Variants in CFAP61 observed in about 807,000 individuals in gnomAD.
CFAP61 encodes the protein cilia and flagella associated protein 61.
CFAP61 carries 107 observed loss-of-function variants against 135.6 expected under a neutral mutation model. The observed-to-expected ratio is 0.79, with a 90% CI of 0.67 to 0.93. CFAP61 has a LOEUF of 0.93. Among genes scored for constraint, CFAP61 ranks in the 40% least tolerant of loss-of-function variants. CFAP61 has a pLI of 0.00. For missense variants in CFAP61, 1,507 were observed against 1,556.2 expected (o/e 0.97, Z 0.53); for synonymous variants, 575 against 578.5 (o/e 0.99, Z 0.09).
chr20:20,068,759 C>A (rs1271082186), intron 2 of CFAP61, among the ~76,000 whole-genome samples: 2 of 152,056 alleles, frequency 1.3e-5, no homozygotes, highest in African/African-American at 4.8e-5. Context: ...CTTTTTATTT[C>A]TTTTGAGACG....
chr20:20,344,368 T>G (rs1458736454), intron 26 of CFAP61, among the ~76,000 whole-genome samples: 1 of 152,110 alleles, frequency 6.6e-6, no homozygotes, highest in Non-Finnish European at 1.5e-5. Flanking sequence ...CAATCAGATA[T>G]ACAGGAATTT....
At chr20:20,096,417 T>G (rs1460064500) in intron 7 of CFAP61, among the ~76,000 whole-genome samples, 3 of 152,254 alleles carry the variant, frequency 2.0e-5, no homozygotes, top group African/African-American at 7.2e-5. Flanking sequence ...CATGTTTTTC[T>G]CATTTTCATC....
At chr20:20,220,508 G>C (rs1264034598) in intron 17 of CFAP61, among the ~76,000 whole-genome samples, 1 of 149,464 alleles carries the variant, frequency 6.7e-6, no homozygotes, top group East Asian at 1.9e-4. Context: ...ATGGACTTGC[G>C]ATTGGCATGT....
chr20:20,294,833 C>T (rs968893217), intron 24 of CFAP61, among the ~76,000 whole-genome samples: 6 of 151,062 alleles, frequency 4.0e-5, no homozygotes, highest in Non-Finnish European at 8.9e-5. Context: ...GAGGCTGAGG[C>T]AGGAGAATGG....
chr20:20,251,003 A>G (rs1318329944), intron 19 of CFAP61, among the ~76,000 whole-genome samples: 1 of 152,252 alleles, frequency 6.6e-6, no homozygotes, highest in East Asian at 1.9e-4. Flanking sequence ...CAAAGTCTCC[A>G]GGGAGTGTAC....
chr20:20,069,009 C>T (rs2045516622), intron 2 of CFAP61, among the ~76,000 whole-genome samples: 1 of 152,230 alleles, frequency 6.6e-6, no homozygotes, highest in Non-Finnish European at 1.5e-5. Context: ...TTCCAAAGTG[C>T]TGGGATTACA....
chr20:20,290,339 C>A lies in CFAP61; in HGVS notation c.3164C>A (p.Ala1055Asp), dbSNP rs377695788. Residue 1055 changes from alanine to aspartate, a missense_variant, in exon 24 of 27, where the codon GCC becomes GAC. Coordinates refer to ENST00000245957, the MANE Select transcript of CFAP61 (RefSeq NM_015585.4). ...LPGSYHYLHI[A>D]KPAIPTPLEV... ...GGGTCTTACCATTATCTGCATATTG[C>A]CAAGCCTGCCATTCCAACTCCCTTG... is the stretch of plus-strand genomic sequence containing the variant. 2 of 1,613,470 alleles carry A rather than the reference C, an allele frequency of 1.2e-6. No homozygotes were observed. The highest frequency in any genetic ancestry group is 2.7e-5 in the African/African-American group (2 of 75,052).
At chr20:20,095,401 A>G (rs2047495559) in intron 7 of CFAP61, among the ~76,000 whole-genome samples, 1 of 152,244 alleles carries the variant, frequency 6.6e-6, no homozygotes, top group Non-Finnish European at 1.5e-5. Flanking sequence ...TGTCTTTCTG[A>G]ACAGCCATGG....
At chr20:20,334,210 T>A (rs902316986) in intron 25 of CFAP61, among the ~76,000 whole-genome samples, 10 of 152,166 alleles carry the variant, frequency 6.6e-5, no homozygotes, top group African/African-American at 2.4e-4. Flanking sequence ...CACTGCAACC[T>A]CTGCCTCCCG....
At chr20:20,268,175 ACTTTAG>A (rs1366130272) in intron 21 of CFAP61, among the ~76,000 whole-genome samples, 2 of 152,174 alleles carry the variant, frequency 1.3e-5, no homozygotes, top group African/African-American at 4.8e-5. Context: ...TTTTTTAAAT[ACTTTAG>A]CATGTGAGTT....
At chr20:20,137,028 T>C (rs116310858) in intron 8 of CFAP61, among the ~76,000 whole-genome samples, 1,597 of 152,312 alleles carry the variant, frequency 0.01, 20 homozygotes, top group African/African-American at 0.036. Flanking sequence ...ACCTTGGTGG[T>C]CTTGGATAAG....
At chr20:20,152,802 G>T (rs541239818) in intron 9 of CFAP61, among the ~76,000 whole-genome samples, 1 of 152,228 alleles carries the variant, frequency 6.6e-6, no homozygotes, top group East Asian at 1.9e-4. Context: ...TTGACAGCCT[G>T]AGACAGGACA....
intron 25 of CFAP61, among the ~76,000 whole-genome samples, chr20:20,324,017 T>C (rs2057654420): frequency 6.6e-6 from 1 of 152,204 alleles, no homozygotes; most frequent in African/African-American, 2.4e-5. Flanking sequence ...TCTTAACTTT[T>C]TGTTTTCATA....
chr20:20,359,182 TCAAA>T lies in CFAP61; in HGVS notation c.3514-1024_3514-1021del, dbSNP rs2059383729. The stretch of plus-strand genomic sequence containing the variant: ...TATGTGCAGCATAAGATTCTCAGCT[TCAAA>T]CAACTTTATTCTTTCTGAGCCCTAC... On this transcript the variant is annotated intron_variant, in intron 26 of 26. Transcript: ENST00000245957. The surrounding 1 kb of genome is among the most constrained non-coding windows in gnomAD (Gnocchi z 4.0). Among the ~76,000 whole-genome samples, 1 of 152,214 alleles carries T rather than the reference TCAAA, an allele frequency of 6.6e-6. No individual in the cohort carries two copies. Among genetic ancestry groups the T allele is most frequent in the Admixed American group, 6.5e-5 (1 of 15,282 alleles).
chr20:20,315,129 T>C (rs2057053709), intron 25 of CFAP61, among the ~76,000 whole-genome samples: 1 of 151,154 alleles, frequency 6.6e-6, no homozygotes, highest in Non-Finnish European at 1.5e-5. Context: ...TCCACAAGGA[T>C]TGAACTAGTT....
At chr20:20,247,393 G>A in intron 19 of CFAP61, among the ~76,000 whole-genome samples, 1 of 152,250 alleles carries the variant, frequency 6.6e-6, no homozygotes, top group East Asian at 1.9e-4. Context: ...GGCAGACTGA[G>A]TGGGTGGAAG....
intron 17 of CFAP61, among the ~76,000 whole-genome samples, chr20:20,227,549 G>C (rs572866806): frequency 6.6e-6 from 1 of 152,274 alleles, no homozygotes; most frequent in South Asian, 2.1e-4. Flanking sequence ...GCTTCTGCAG[G>C]GAAGTAAATG....
intron 17 of CFAP61, among the ~76,000 whole-genome samples, chr20:20,219,590 G>A (rs1298023286): frequency 1.3e-5 from 2 of 152,096 alleles, no homozygotes; most frequent in African/African-American, 4.8e-5. Context: ...TAAGCAAATA[G>A]TACTTAGATG....
intron 20 of CFAP61, among the ~76,000 whole-genome samples, chr20:20,252,836 A>G (rs994722501): frequency 6.6e-6 from 1 of 152,174 alleles, no homozygotes; most frequent in Non-Finnish European, 1.5e-5. Flanking sequence ...CTTACCCTAT[A>G]TTTTCTGCCT....
Sources: allele counts gnomAD v4.1 joint callset (sites outside exome capture counted in the v4.1 genomes callset), GRCh38; gene constraint gnomAD v4.1.1; non-coding constraint Gnocchi (gnomAD v3.1); transcripts MANE v1.5; gene names NCBI Gene and HGNC (gene_info 2026-07-23, HGNC 2026-07-21).